Variants in C12orf42 observed in about 807,000 individuals in gnomAD.
C12orf42 encodes the protein chromosome 12 open reading frame 42, also known as uncharacterized protein C12orf42.
C12orf42 carries 25 observed loss-of-function variants against 21.6 expected under a neutral mutation model. The ratio of observed to expected loss-of-function variants is 1.16; its 90% CI spans 0.84 to 1.62. The LOEUF is 1.62. Among genes scored for constraint, C12orf42 ranks in the 40% most tolerant of loss-of-function variants. C12orf42 has a pLI of 0.00. For missense variants in C12orf42, 483 were observed against 459.3 expected (o/e 1.05, Z -0.47); for synonymous variants, 174 against 175.0 (o/e 0.99, Z 0.05).
At chr12:103,191,776 T>G in the C12orf42 span, among the ~76,000 whole-genome samples, 9 of 145,232 alleles carry the variant, frequency 6.2e-5, no homozygotes, top group Admixed American at 4.1e-4. Flanking sequence ...GAAAAGAAAA[T>G]ATTAAGAGCT....
chr12:103,545,388 A>C, the C12orf42 span, among the ~76,000 whole-genome samples: 1 of 152,332 alleles, frequency 6.6e-6, no homozygotes, highest in Non-Finnish European at 1.5e-5. Context: ...TATAAAAAAC[A>C]TTTAAATATA....
At chr12:103,416,012 C>A (rs2049286481) in intron 2 of C12orf42, among the ~76,000 whole-genome samples, 1 of 146,072 alleles carries the variant, frequency 6.8e-6, no homozygotes, top group Non-Finnish European at 1.5e-5. Context: ...ATTACTGAGG[C>A]ACCATTGTCT....
the C12orf42 span, among the ~76,000 whole-genome samples, chr12:103,220,701 C>CT: frequency 0.46 from 70,554 of 151,858 alleles, 16,707 homozygotes; most frequent in East Asian, 0.59. Context: ...CGGCCTCCCC[C>CT]GCTCCCTCCC....
rs75544387 is a variant in C12orf42, at chr12:103,359,469, A to G, written c.259+9418T>C. On this transcript the variant is annotated intron_variant, in intron 4 of 5. Transcript: ENST00000548883. ...CTGTAGTGAATTCATACAATGGAAG[A>G]CCACTTAGCCATAAAAAGGACTATG... is the stretch of plus-strand genomic sequence containing the variant. Among the ~76,000 whole-genome samples, 1,039 of 152,202 alleles carry G rather than the reference A, an allele frequency of 6.8e-3. 16 individuals are homozygous for G. The highest frequency in any genetic ancestry group is 0.024 in the African/African-American group (990 of 41,530).
At chr12:103,524,242 A>G in the C12orf42 span, among the ~76,000 whole-genome samples, 1 of 152,192 alleles carries the variant, frequency 6.6e-6, no homozygotes, top group Non-Finnish European at 1.5e-5. Context: ...AAGGGGAGAC[A>G]AGCTCAGTTA....
At chr12:103,521,413 A>C in the C12orf42 span, among the ~76,000 whole-genome samples, 1 of 152,192 alleles carries the variant, frequency 6.6e-6, no homozygotes. Flanking sequence ...CATTATCCTC[A>C]GCAAACTACC....
At chr12:103,065,446 C>A in the C12orf42 span, among the ~76,000 whole-genome samples, 4 of 152,188 alleles carry the variant, frequency 2.6e-5, no homozygotes, top group Non-Finnish European at 4.4e-5. Flanking sequence ...AGCAATATAC[C>A]TTTACTGTCC....
At chr12:103,506,322 C>CAA in the C12orf42 span, 1 of 126,476 alleles carries the variant, frequency 7.9e-6, no homozygotes, top group African/African-American at 3.0e-5. Context: ...CCCACACACA[C>CAA]AAAACAAAAC....
At chr12:103,506,086 C>A in the C12orf42 span, 1 of 221,554 alleles carries the variant, frequency 4.5e-6, no homozygotes, top group Non-Finnish European at 8.9e-6. Flanking sequence ...CTGAGTGAAC[C>A]CCTGGAGCTT....
At chr12:103,109,733 C>A in the C12orf42 span, among the ~76,000 whole-genome samples, 1 of 151,120 alleles carries the variant, frequency 6.6e-6, no homozygotes, top group Non-Finnish European at 1.5e-5. Context: ...AAAATAGACA[C>A]CATGAACAAA....
At chr12:103,116,382 AT>A in the C12orf42 span, among the ~76,000 whole-genome samples, 206 of 61,708 alleles carry the variant, frequency 3.3e-3, no homozygotes, top group South Asian at 7.4e-3. Context: ...AAAAAAAAAA[AT>A]ATATATATAT....
the C12orf42 span, among the ~76,000 whole-genome samples, chr12:103,191,543 CAAAAAAAAAAA>C: frequency 1.7e-4 from 10 of 58,104 alleles, no homozygotes; most frequent in South Asian, 8.2e-4. Flanking sequence ...CTCCACTCTA[CAAAAAAAAAAA>C]AAAAAAAAAA....
the C12orf42 span, among the ~76,000 whole-genome samples, chr12:103,156,722 G>A: frequency 2.0e-5 from 3 of 151,954 alleles, no homozygotes; most frequent in Admixed American, 6.5e-5. Flanking sequence ...GAGAATATGC[G>A]GTATTTGGTT....
the C12orf42 span, among the ~76,000 whole-genome samples, chr12:103,533,994 T>C: frequency 6.6e-6 from 1 of 152,336 alleles, no homozygotes; most frequent in East Asian, 1.9e-4. Flanking sequence ...CATGTGGTCA[T>C]TGTACAAATT....
intron 10 of C12orf42, among the ~76,000 whole-genome samples, chr12:103,254,250 T>C (rs1444582300): frequency 3.3e-5 from 5 of 152,228 alleles, no homozygotes; most frequent in African/African-American, 1.2e-4. Flanking sequence ...TCCCGGTTGC[T>C]TGTTTTTGTC....
At chr12:103,114,318 G>A in the C12orf42 span, among the ~76,000 whole-genome samples, 1 of 152,196 alleles carries the variant, frequency 6.6e-6, no homozygotes, top group Non-Finnish European at 1.5e-5. Context: ...TGTGGTGCAC[G>A]GGAAGCGTGG....
the C12orf42 span, among the ~76,000 whole-genome samples, chr12:103,084,780 C>T: frequency 6.0e-4 from 92 of 152,168 alleles, no homozygotes; most frequent in African/African-American, 2.1e-3. Context: ...ACAACAACAA[C>T]CAAGTATGCA....
At chr12:103,328,534 A>G (rs1039002510) in intron 4 of C12orf42, among the ~76,000 whole-genome samples, 1 of 152,204 alleles carries the variant, frequency 6.6e-6, no homozygotes. Context: ...GTCCTTCACC[A>G]TTTCTTCAGC....
chr12:103,110,815 T>C, the C12orf42 span, among the ~76,000 whole-genome samples: 1 of 152,200 alleles, frequency 6.6e-6, no homozygotes, highest in Admixed American at 6.5e-5. Context: ...GAAGACAGAT[T>C]TGGCAAGGGT....
Sources: allele counts gnomAD v4.1 joint callset (sites outside exome capture counted in the v4.1 genomes callset), GRCh38; gene constraint gnomAD v4.1.1; transcripts MANE v1.5; gene names NCBI Gene and HGNC (gene_info 2026-07-23, HGNC 2026-07-21).